The following CDKAL1 variants were observed in gnomAD, a reference collection of about 807,000 sequenced individuals.
The protein encoded by CDKAL1 is CDKAL1 threonylcarbamoyladenosine tRNA methylthiotransferase, also known as threonylcarbamoyladenosine tRNA methylthiotransferase.
CDKAL1 carries 32 observed loss-of-function variants against 68.2 expected under a neutral mutation model. The observed-to-expected ratio is 0.47, with a 90% CI of 0.35 to 0.63. The LOEUF (loss-of-function observed/expected upper bound fraction) is 0.63. Ranked by LOEUF, CDKAL1 falls within the 30% of genes least tolerant of loss-of-function variation. CDKAL1 has a pLI of 0.00. For missense variants in CDKAL1, 606 were observed against 696.7 expected, an observed-to-expected ratio of 0.87 and a Z score of 1.47; for synonymous variants, 234 against 244.3, an observed-to-expected ratio of 0.96 and a Z score of 0.39.
At chr6:20,875,768 A>G (rs906413505) in intron 9 of CDKAL1, among the ~76,000 whole-genome samples, 3 of 152,242 alleles carry the variant, frequency 2.0e-5, no homozygotes, top group Admixed American at 6.5e-5. Flanking sequence ...AATTGTGGAA[A>G]ATACAAAGCT....
chr6:21,165,637 T>C (rs886382529), intron 13 of CDKAL1, among the ~76,000 whole-genome samples: 6 of 152,222 alleles, frequency 3.9e-5, no homozygotes, highest in African/African-American at 1.4e-4. Context: ...ATTTTCATAG[T>C]ATTTTCCATT....
chr6:20,606,997 A>C (rs1043092859), intron 4 of CDKAL1, among the ~76,000 whole-genome samples: 1 of 152,154 alleles, frequency 6.6e-6, no homozygotes, highest in African/African-American at 2.4e-5. Context: ...TTTCAGGCTT[A>C]TAGGGTTTAG....
At chr6:20,833,493 G>A (rs1777803885) in intron 8 of CDKAL1, among the ~76,000 whole-genome samples, 1 of 151,878 alleles carries the variant, frequency 6.6e-6, no homozygotes, top group African/African-American at 2.4e-5. Context: ...TTATATATCT[G>A]GGTGGTATAT....
chr6:20,799,486 A>G (rs1304209785), intron 8 of CDKAL1, among the ~76,000 whole-genome samples: 2 of 25,974 alleles, frequency 7.7e-5, no homozygotes, highest in South Asian at 1.9e-3. Flanking sequence ...ACTGTATACC[A>G]CTAAAATAAT....
intron 12 of CDKAL1, among the ~76,000 whole-genome samples, chr6:21,075,919 A>C (rs1172076952): frequency 6.6e-6 from 1 of 152,228 alleles, no homozygotes; most frequent in African/African-American, 2.4e-5. Flanking sequence ...AAAAACAATT[A>C]GATGGCAAGA....
At chr6:21,226,873 T>C (rs1442451216) in intron 15 of CDKAL1, among the ~76,000 whole-genome samples, 1 of 152,140 alleles carries the variant, frequency 6.6e-6, no homozygotes, top group African/African-American at 2.4e-5. Flanking sequence ...CCACCACGCC[T>C]GGCTCATTTT....
At chr6:20,741,421 A>AGT (rs984369549) in intron 6 of CDKAL1, among the ~76,000 whole-genome samples, 7 of 151,948 alleles carry the variant, frequency 4.6e-5, no homozygotes, top group African/African-American at 1.7e-4. Flanking sequence ...CCTAGGTACT[A>AGT]AGCCTTTTAC....
chr6:20,982,580 A>G (rs1032875590), intron 10 of CDKAL1, among the ~76,000 whole-genome samples: 10 of 152,018 alleles, frequency 6.6e-5, no homozygotes, highest in African/African-American at 2.2e-4. Context: ...AATAAAAGAC[A>G]AAAAACCCCA....
chr6:20,877,304 G>A lies in CDKAL1; in HGVS notation c.742+31126G>A, dbSNP rs7742802. ...TTCTGACCTGGACAGATTTGTGAAC[G>A]TCATCTACAAGTCTTTGCCATCTAA... is the stretch of plus-strand genomic sequence containing the variant. On this transcript the variant is annotated intron_variant, in intron 9 of 15. Transcript: ENST00000274695. Among the ~76,000 whole-genome samples, 580 of 152,324 alleles carry A rather than the reference G, an allele frequency of 3.8e-3. 8 individuals carry two copies. The highest frequency in any genetic ancestry group is 0.012 in the African/African-American group (516 of 41,568).
At chr6:20,617,933 A>G (rs747153419) in intron 4 of CDKAL1, among the ~76,000 whole-genome samples, 4 of 152,212 alleles carry the variant, frequency 2.6e-5, no homozygotes, top group Non-Finnish European at 4.4e-5. Flanking sequence ...GTATATACTC[A>G]GTAATGGGAT....
intron 6 of CDKAL1, 26 bp downstream of exon 6, chr6:20,739,641 A>C (rs1322940321): frequency 7.4e-7 from 1 of 1,354,776 alleles, no homozygotes; most frequent in Non-Finnish European, 1.0e-6. Flanking sequence ...ATGCAAAAAG[A>C]GAAAATCTTA....
intron 10 of CDKAL1, chr6:20,993,637 G>A (rs185335979): frequency 6.6e-6 from 1 of 152,300 alleles, no homozygotes; most frequent in East Asian, 1.9e-4. Flanking sequence ...TGATGAATTT[G>A]ATGACTATAG....
At chr6:20,708,818 T>A (rs905746715) in intron 5 of CDKAL1, among the ~76,000 whole-genome samples, 1 of 152,212 alleles carries the variant, frequency 6.6e-6, no homozygotes, top group Non-Finnish European at 1.5e-5. Context: ...GGTTTCTTTG[T>A]GTTTCAGCCT....
In CDKAL1 at chr6:20,938,888, T is replaced by A. The variant is rs141873005; in HGVS notation, c.743-16531T>A. Among the ~76,000 whole-genome samples, 243 of 152,298 alleles carry A rather than the reference T, an allele frequency of 1.6e-3. 1 individual carries two copies. Among genetic ancestry groups the A allele is most frequent in the African/African-American group, 5.4e-3 (223 of 41,574 alleles). On this transcript the variant is annotated intron_variant, in intron 9 of 15. Coordinates refer to ENST00000274695, the MANE Select transcript of CDKAL1 (RefSeq NM_017774.3). ...CTGTGAAAACTTGAATACTTTCTTA[T>A]GTTCTTTTCTTTGTAAGCAAATCTG... is the stretch of plus-strand genomic sequence containing the variant.
chr6:20,988,379 T>G (rs555790226), intron 10 of CDKAL1, among the ~76,000 whole-genome samples: 1 of 152,110 alleles, frequency 6.6e-6, no homozygotes, highest in Admixed American at 6.6e-5. Context: ...CACCCAGAAA[T>G]AATGTTTTAT....
At chr6:20,650,636 T>C (rs1768717661) in intron 5 of CDKAL1, among the ~76,000 whole-genome samples, 1 of 152,230 alleles carries the variant, frequency 6.6e-6, no homozygotes, top group Non-Finnish European at 1.5e-5. Flanking sequence ...CCTGTGCCTA[T>C]GTCCTGAATG....
At chr6:21,068,471 T>C (rs1476806151) in intron 12 of CDKAL1, among the ~76,000 whole-genome samples, 2 of 152,150 alleles carry the variant, frequency 1.3e-5, no homozygotes, top group Non-Finnish European at 2.9e-5. Flanking sequence ...TTTGAGTCAA[T>C]GCAGTTTATT....
chr6:21,012,114 G>A (rs1404068884), intron 11 of CDKAL1, among the ~76,000 whole-genome samples: 2 of 152,082 alleles, frequency 1.3e-5, no homozygotes, highest in Non-Finnish European at 2.9e-5. Flanking sequence ...GGAAGGCAAG[G>A]GGCAAACAAG....
chr6:20,811,785 T>TGTA (rs1554124906), intron 8 of CDKAL1, among the ~76,000 whole-genome samples: 2 of 103,640 alleles, frequency 1.9e-5, no homozygotes. Flanking sequence ...TACCTAGTAG[T>TGTA]AAAAAAAAAA....
Sources: gnomAD v4.1 joint callset for allele counts (sites outside exome capture counted in the v4.1 genomes callset) on GRCh38, gnomAD v4.1.1 for gene constraint, MANE v1.5 for transcripts, NCBI Gene and HGNC (gene_info 2026-07-23, HGNC 2026-07-21) for gene names.